Variants in AK2 observed in about 807,000 individuals in gnomAD.
The protein encoded by AK2 is adenylate kinase 2, also known as adenylate kinase 2, mitochondrial.
A neutral mutation model predicts 24.6 loss-of-function variants in AK2; 15 were observed. The observed-to-expected ratio is 0.61, with a 90% confidence interval of 0.41 to 0.94. AK2 has a LOEUF of 0.94. Ranked by LOEUF, AK2 falls within the 40% of genes least tolerant of loss-of-function variation. AK2 has a pLI of 0.00. For synonymous variants in AK2, 102 were observed against 114.0 expected (o/e 0.90, Z 0.67); for missense variants, 257 against 304.1 (o/e 0.85, Z 1.15).
chr1:33,011,603 A>C lies in AK2; in HGVS notation c.*1578T>G. On this transcript the variant is annotated 3_prime_UTR_variant, in exon 6 of 6. Transcript: ENST00000672715. The stretch of plus-strand genomic sequence containing the variant: ...GTCCACTGAATCGAGTCAGCAGCAG[A>C]TTATGCTGAGGCTGGCGATATTATT... 7.8e-7 allele frequency: 1 copy of C among 1,288,660 alleles called. No individual in the cohort carries two copies. The highest frequency in any genetic ancestry group is 1.0e-6 in the Non-Finnish European group (1 of 989,796). 79.8% of individuals were successfully genotyped at this position (1,288,660 alleles called of 1,614,324 possible).
At chr1:33,019,960 CA>C in intron 4 of AK2, 1 of 1,422,000 alleles carries the variant, frequency 7.0e-7, no homozygotes, top group Non-Finnish European at 9.1e-7. Flanking sequence ...ATTAAAATGA[CA>C]AAGACATAAA....
intron 2 of AK2, among the ~76,000 whole-genome samples, chr1:33,023,693 A>T (rs1380007194): frequency 6.6e-6 from 1 of 152,176 alleles, no homozygotes; most frequent in African/African-American, 2.4e-5. Context: ...CAGGTTAAAA[A>T]ACACTTCTGT....
At position 33,010,379 on chromosome 1, in the gene AK2, G is replaced by T. The variant is rs773521026; in HGVS notation, c.*2802C>A. The T allele has an allele frequency of 1.1e-5, 5 of 474,958 alleles. No homozygotes were observed. Among genetic ancestry groups the T allele is most frequent in the South Asian group, 7.7e-5 (5 of 64,640 alleles). The allele number at this position is 474,958 out of a possible 1,614,324, so 29.4% of individuals were successfully genotyped here. A position where few individuals can be genotyped will look rare whatever the true frequency, so the allele number is the denominator to read the frequency against. On this transcript the variant is annotated 3_prime_UTR_variant, in exon 6 of 6. Coordinates refer to ENST00000672715, the MANE Select transcript of AK2 (RefSeq NM_001625.4). ...TGATCTTACAGTGTGTGGAACCGGA[G>T]TCAGTAATCAAAGCTCCCTGTTCCA...
At chr1:33,028,654 T>C (rs1337852550) in intron 1 of AK2, among the ~76,000 whole-genome samples, 1 of 152,208 alleles carries the variant, frequency 6.6e-6, no homozygotes, top group Non-Finnish European at 1.5e-5. Flanking sequence ...TCATAGTCTG[T>C]TGCTGTCAGC....
rs1430285224 is a variant in AK2, at chr1:33,008,839, G to C, written c.*4342C>G. On this transcript the variant is annotated 3_prime_UTR_variant, in exon 6 of 6. Transcript: ENST00000672715. ...GTCTGCATTCTTGGTTTGCAGATTA[G>C]ATGAGGAAACCCAGGCCCAAAGAAG... 1 of 454,140 alleles carries C rather than the reference G, an allele frequency of 2.2e-6. No homozygotes were observed. Among genetic ancestry groups the C allele is most frequent in the South Asian group, 1.6e-5 (1 of 64,478 alleles). The allele number at this position is 454,140 out of a possible 1,614,324, so 28.1% of individuals were successfully genotyped here. A position where few individuals can be genotyped will look rare whatever the true frequency, so the allele number is the denominator to read the frequency against.
At chr1:33,013,754 T>C (rs1350740525) in intron 5 of AK2, among the ~76,000 whole-genome samples, 1 of 152,186 alleles carries the variant, frequency 6.6e-6, no homozygotes, top group Non-Finnish European at 1.5e-5. Flanking sequence ...AAAAGGCCCC[T>C]AAGACCAGAA....
intron 1 of AK2, among the ~76,000 whole-genome samples, chr1:33,029,812 G>A (rs1016485642): frequency 2.2e-4 from 33 of 152,316 alleles, no homozygotes; most frequent in Non-Finnish European, 1.0e-4. Context: ...CGGAGTAGTT[G>A]GGACTATGGG....
Position 33,013,232 on chromosome 1 carries a change from G to T in AK2, c.669C>A (p.Ile223=), listed in dbSNP as rs775008284. 3 of 1,613,920 alleles carry T rather than the reference G, an allele frequency of 1.9e-6. No individual in the cohort carries two copies. The highest frequency in any genetic ancestry group is 1.7e-6 in the Non-Finnish European group (2 of 1,179,784). ...SQTPDVVFAS[I]LAAFSKATCK... Reference sequence around the variant, plus strand: ...ATGTGGCTTTGGAGAAGGCTGCTAGGATGCTTGCGAACACGACATCGGGGG... The same window carrying T: ...ATGTGGCTTTGGAGAAGGCTGCTAGTATGCTTGCGAACACGACATCGGGGG... The change falls in exon 6 of 6, where the codon ATC becomes ATA. Residue 223 remains isoleucine (I), a synonymous_variant. Coordinates refer to ENST00000672715, the MANE Select transcript of AK2 (RefSeq NM_001625.4).
chr1:33,021,312 C>G (rs1639536370), intron 4 of AK2, 55 bp downstream of exon 4: 4 of 1,483,554 alleles, frequency 2.7e-6, no homozygotes, highest in East Asian at 4.5e-5. Flanking sequence ...GAGCAATTCT[C>G]AGAGTTTGAG....
In AK2 at chr1:33,010,846, G is replaced by T. The variant is rs1401751241; in HGVS notation, c.*2335C>A. The T allele has an allele frequency of 1.9e-6, 3 of 1,571,540 alleles. No individual in the cohort carries two copies. The highest frequency in any genetic ancestry group is 3.3e-4 in the Middle Eastern group (2 of 6,002). ...TTCTGATACTAGGCTGAAATAGAGAGGAAACAAGAGAGAACAAAATGGGTT... is the reference window on the plus strand; with the variant it reads ...TTCTGATACTAGGCTGAAATAGAGATGAAACAAGAGAGAACAAAATGGGTT... On this transcript the variant is annotated 3_prime_UTR_variant, in exon 6 of 6. Coordinates refer to ENST00000672715, the MANE Select transcript of AK2 (RefSeq NM_001625.4).
At chr1:33,013,508 C>T in intron 5 of AK2, 106 bp from the exon 6 acceptor site, 1 of 1,540,668 alleles carries the variant, frequency 6.5e-7, no homozygotes, top group Non-Finnish European at 8.8e-7. Flanking sequence ...AGGATGCTGT[C>T]TGTTCCCAAA....
intron 1 of AK2, among the ~76,000 whole-genome samples, chr1:33,034,722 A>G (rs911160919): frequency 2.6e-5 from 4 of 152,194 alleles, no homozygotes; most frequent in East Asian, 3.8e-4. Context: ...TGTCCATTCC[A>G]TAATTACTGA....
chr1:33,009,813 C>T lies in AK2; in HGVS notation c.*3368G>A, dbSNP rs1453173228. Reference sequence around the variant, plus strand: ...TGCACATACTTGGACCTCCCTACCACACAGCTGCCAGCGACAAGAAAGGGC... The same window carrying T: ...TGCACATACTTGGACCTCCCTACCATACAGCTGCCAGCGACAAGAAAGGGC... On this transcript the variant is annotated 3_prime_UTR_variant, in exon 6 of 6. Transcript: ENST00000672715. 1 of 454,344 alleles carries T rather than the reference C, an allele frequency of 2.2e-6. No homozygotes were observed. Among genetic ancestry groups the T allele is most frequent in the African/African-American group, 2.0e-5 (1 of 49,980 alleles). The allele number at this position is 454,344 out of a possible 1,614,324, so 28.1% of individuals were successfully genotyped here. A position where few individuals can be genotyped will look rare whatever the true frequency, so the allele number is the denominator to read the frequency against.
rs1638653104 is a variant in AK2, at chr1:33,009,246, T to C, written c.*3935A>G. 2.2e-6 allele frequency: 1 copy of C among 453,910 alleles called. No homozygotes were observed. Among genetic ancestry groups the C allele is most frequent in the African/African-American group, 2.0e-5 (1 of 49,984 alleles). 28.1% of individuals were successfully genotyped at this position (453,910 alleles called of 1,614,324 possible). A position where few individuals can be genotyped will look rare whatever the true frequency, so the allele number is the denominator to read the frequency against. On this transcript the variant is annotated 3_prime_UTR_variant, in exon 6 of 6. Transcript: ENST00000672715. ...ACAGTCATTTCTCAGAAACCTCACTTGCAAAGGCAGCCCTTCCAAAAACAT... is the reference window on the plus strand; with the variant it reads ...ACAGTCATTTCTCAGAAACCTCACTCGCAAAGGCAGCCCTTCCAAAAACAT...
chr1:33,015,802 C>T (rs1005208952), intron 4 of AK2, among the ~76,000 whole-genome samples: 8 of 152,052 alleles, frequency 5.3e-5, no homozygotes, highest in East Asian at 1.9e-4. Flanking sequence ...GCAGGAGGAT[C>T]GCTTGAACCT....
At chr1:33,028,314 A>C (rs1024805335) in intron 1 of AK2, among the ~76,000 whole-genome samples, 4 of 152,028 alleles carry the variant, frequency 2.6e-5, no homozygotes, top group African/African-American at 9.7e-5. Context: ...GACCAGCATG[A>C]CCAACATGGA....
Position 33,012,041 on chromosome 1 carries a change from G to A in AK2, c.*1140C>T, listed in dbSNP as rs1287446222. The stretch of plus-strand genomic sequence containing the variant: ...GTTTTGTTCACACTTGGAAACACAG[G>A]CAAACATTAAAAATAAAAGCAAATA... On this transcript the variant is annotated 3_prime_UTR_variant, in exon 6 of 6. Coordinates refer to ENST00000672715, the MANE Select transcript of AK2 (RefSeq NM_001625.4). 4.6e-6 allele frequency: 7 copies of A among 1,535,320 alleles called. No homozygotes were observed. The highest frequency in any genetic ancestry group is 5.2e-6 in the Non-Finnish European group (6 of 1,146,686).
At chr1:33,022,626 G>A (rs1161467852) in intron 2 of AK2, among the ~76,000 whole-genome samples, 3 of 152,082 alleles carry the variant, frequency 2.0e-5, no homozygotes, top group African/African-American at 7.2e-5. Context: ...CAAAGTGTTA[G>A]TATTACAGGA....
At chr1:33,029,165 T>A (rs1233204798) in intron 1 of AK2, 2 of 152,202 alleles carry the variant, frequency 1.3e-5, no homozygotes, top group African/African-American at 4.8e-5. Flanking sequence ...GTCCTAGAGA[T>A]TTGGTTTAAT....
Sources: allele counts gnomAD v4.1 joint callset (sites outside exome capture counted in the v4.1 genomes callset), GRCh38; gene constraint gnomAD v4.1.1; transcripts MANE v1.5; gene names NCBI Gene and HGNC (gene_info 2026-07-23, HGNC 2026-07-21).